Variants in CHCHD6 observed in about 807,000 individuals in gnomAD.
CHCHD6 encodes MICOS complex subunit MIC25.
Under a neutral mutation model 32.3 loss-of-function variants are expected in CHCHD6, and 28 were observed. The observed-to-expected ratio is 0.87, with a 90% confidence interval of 0.64 to 1.19. The LOEUF is 1.19. Ranked by LOEUF, CHCHD6 falls within the 50% of genes most tolerant of loss-of-function variation. The pLI, the probability that CHCHD6 is intolerant of heterozygous loss-of-function variation, is 0.00. For synonymous variants in CHCHD6, 122 were observed against 117.5 expected (o/e 1.04, Z -0.25); for missense variants, 333 against 307.0 (o/e 1.08, Z -0.63).
intron 1 of CHCHD6, among the ~76,000 whole-genome samples, chr3:126,704,866 C>CTGA (rs1176683337): frequency 6.6e-6 from 1 of 152,206 alleles, no homozygotes; most frequent in African/African-American, 2.4e-5. Flanking sequence ...TAGCTCAGAT[C>CTGA]TGATCCCCTT....
intron 6 of CHCHD6, among the ~76,000 whole-genome samples, chr3:126,915,895 A>T (rs528693558): frequency 3.0e-4 from 45 of 152,182 alleles, no homozygotes; most frequent in African/African-American, 1.1e-3. Flanking sequence ...GGCTTAGGTG[A>T]TCCTCCTACC....
chr3:126,737,296 G>A (rs1236692147), intron 4 of CHCHD6, among the ~76,000 whole-genome samples: 1 of 151,788 alleles, frequency 6.6e-6, no homozygotes, highest in Non-Finnish European at 1.5e-5. Context: ...TCCAGCCTGG[G>A]CGACACGGTG....
intron 5 of CHCHD6, among the ~76,000 whole-genome samples, chr3:126,864,526 C>T: frequency 6.6e-6 from 1 of 151,512 alleles, no homozygotes; most frequent in Non-Finnish European, 1.5e-5. Flanking sequence ...CCACCTCCAC[C>T]ACCTCCTCCT....
At chr3:126,721,779 C>G (rs1354942441) in intron 1 of CHCHD6, among the ~76,000 whole-genome samples, 1 of 149,422 alleles carries the variant, frequency 6.7e-6, no homozygotes, top group African/African-American at 2.5e-5. Context: ...TGCATTTCCC[C>G]AAGCCCAAGG....
At chr3:126,725,665 GTTCTGTTTAGTAT>G (rs560730927) in intron 1 of CHCHD6, among the ~76,000 whole-genome samples, 2 of 152,334 alleles carry the variant, frequency 1.3e-5, no homozygotes, top group African/African-American at 4.8e-5. Flanking sequence ...GTAGAAGACT[GTTCTGTTTAGTAT>G]TGCTACCTTC....
chr3:126,919,317 C>CTTTTTTTTTTTTTT (rs756862821), intron 6 of CHCHD6, among the ~76,000 whole-genome samples: 1 of 68,130 alleles, frequency 1.5e-5, no homozygotes, highest in African/African-American at 4.6e-5. Context: ...TTTCTTTTTT[C>CTTTTTTTTTTTTTT]TTTTTTTTTT....
At chr3:126,863,191 A>T (rs1576516250) in intron 5 of CHCHD6, among the ~76,000 whole-genome samples, 1 of 118,424 alleles carries the variant, frequency 8.4e-6, no homozygotes, top group African/African-American at 3.3e-5. Flanking sequence ...CCCCTCCTCC[A>T]CCATCACCAC....
chr3:126,864,918 C>G (rs1241070573), intron 5 of CHCHD6, among the ~76,000 whole-genome samples: 3 of 148,006 alleles, frequency 2.0e-5, no homozygotes, highest in Non-Finnish European at 3.0e-5. Context: ...CCATCACCTT[C>G]TCCTCCACCA....
chr3:126,828,784 A>C (rs575682777), intron 4 of CHCHD6, among the ~76,000 whole-genome samples: 9 of 152,324 alleles, frequency 5.9e-5, no homozygotes, highest in African/African-American at 1.9e-4. Flanking sequence ...TCATCTTAGC[A>C]GCTCTGCTCC....
chr3:126,847,891 C>T (rs1286159311), intron 4 of CHCHD6, among the ~76,000 whole-genome samples: 3 of 152,130 alleles, frequency 2.0e-5, no homozygotes, highest in Non-Finnish European at 4.4e-5. Context: ...TCCAGTCTTT[C>T]CTTCCTCATC....
At chr3:126,879,344 A>G (rs1478334348) in intron 5 of CHCHD6, among the ~76,000 whole-genome samples, 1 of 152,326 alleles carries the variant, frequency 6.6e-6, no homozygotes, top group East Asian at 1.9e-4. Flanking sequence ...AATATCTGCC[A>G]TGGGATCTTA....
intron 4 of CHCHD6, among the ~76,000 whole-genome samples, chr3:126,845,985 G>A (rs1021256498): frequency 6.6e-6 from 1 of 152,182 alleles, no homozygotes; most frequent in Non-Finnish European, 1.5e-5. Context: ...CTCTGAGTAA[G>A]AAAAGTGAGC....
intron 6 of CHCHD6, chr3:126,949,714 A>G (rs904791085): frequency 5.0e-6 from 1 of 198,068 alleles, no homozygotes; most frequent in African/African-American, 2.4e-5. Context: ...CACCAATGGG[A>G]AGGAAAGGCT....
At chr3:126,808,165 TG>T (rs1265150837) in intron 4 of CHCHD6, among the ~76,000 whole-genome samples, 3 of 152,202 alleles carry the variant, frequency 2.0e-5, no homozygotes, top group African/African-American at 7.2e-5. Flanking sequence ...TTCAGATTGT[TG>T]TCTGAATTCA....
chr3:126,908,630 G>C (rs564784344), intron 5 of CHCHD6, among the ~76,000 whole-genome samples: 1 of 152,184 alleles, frequency 6.6e-6, no homozygotes, highest in Non-Finnish European at 1.5e-5. Flanking sequence ...GTCCCTATCT[G>C]TGTGGAGTTT....
intron 5 of CHCHD6, among the ~76,000 whole-genome samples, chr3:126,881,361 G>A (rs1482301480): frequency 6.6e-6 from 1 of 152,226 alleles, no homozygotes; most frequent in Non-Finnish European, 1.5e-5. Context: ...CCAGTGCTGA[G>A]TGGTTTCCTT....
chr3:126,750,865 T>A (rs534391671), intron 4 of CHCHD6, among the ~76,000 whole-genome samples: 1 of 152,204 alleles, frequency 6.6e-6, no homozygotes, highest in Non-Finnish European at 1.5e-5. Flanking sequence ...GAGGAATCGA[T>A]GAAATTCCTC....
At chr3:126,912,629 T>C (rs1576592848) in intron 5 of CHCHD6, among the ~76,000 whole-genome samples, 1 of 152,008 alleles carries the variant, frequency 6.6e-6, no homozygotes, top group Admixed American at 6.5e-5. Context: ...CAGTGGAGGG[T>C]GAAAGGCCCA....
chr3:126,929,122 C>A (rs2078366177), intron 6 of CHCHD6, among the ~76,000 whole-genome samples: 1 of 152,240 alleles, frequency 6.6e-6, no homozygotes. Flanking sequence ...CTGAAGATAA[C>A]TTTTATGTCC....
Sources: gnomAD v4.1 joint callset for allele counts (sites outside exome capture counted in the v4.1 genomes callset) on GRCh38, gnomAD v4.1.1 for gene constraint, MANE v1.5 for transcripts, NCBI Gene and HGNC (gene_info 2026-07-23, HGNC 2026-07-21) for gene names.